Variants in KLF12 observed in about 807,000 individuals in gnomAD.
The protein encoded by KLF12 is Krueppel-like factor 12.
A neutral mutation model predicts 37.8 loss-of-function variants in KLF12; 9 were observed. The ratio of observed to expected loss-of-function variants is 0.24; its 90% CI spans 0.14 to 0.42. KLF12 has a LOEUF of 0.42. Ranked by LOEUF, KLF12 falls within the 10% of genes least tolerant of loss-of-function variation. The pLI is 1.00. For missense variants in KLF12, 411 were observed against 516.0 expected, an observed-to-expected ratio of 0.80 and a Z score of 1.97; for synonymous variants, 208 against 202.1, an observed-to-expected ratio of 1.03 and a Z score of -0.25.
At chr13:73,946,174 TGGA>T (rs1890414150) in intron 2 of KLF12, among the ~76,000 whole-genome samples, 1 of 152,134 alleles carries the variant, frequency 6.6e-6, no homozygotes, top group Admixed American at 6.6e-5. Context: ...CTTCCTACCC[TGGA>T]GGAGTTCTTG....
intron 3 of KLF12, among the ~76,000 whole-genome samples, chr13:73,887,835 AAAAAATG>A (rs2138999210): frequency 6.6e-6 from 1 of 152,324 alleles, no homozygotes; most frequent in East Asian, 1.9e-4. Flanking sequence ...CCATGAATTT[AAAAAATG>A]ATTTCTGAAA....
chr13:74,228,620 T>C, the KLF12 span, among the ~76,000 whole-genome samples: 1 of 152,078 alleles, frequency 6.6e-6, no homozygotes, highest in Non-Finnish European at 1.5e-5. Flanking sequence ...TCAGTGGCTC[T>C]TTTTACCCAT....
chr13:74,207,793 A>G, the KLF12 span, among the ~76,000 whole-genome samples: 4 of 152,320 alleles, frequency 2.6e-5, no homozygotes, highest in African/African-American at 9.6e-5. Context: ...ACTAGGGCAT[A>G]TGCTTATTTG....
At chr13:74,006,345 C>A (rs1271117940) in intron 1 of KLF12, among the ~76,000 whole-genome samples, 1 of 152,088 alleles carries the variant, frequency 6.6e-6, no homozygotes, top group Non-Finnish European at 1.5e-5. Flanking sequence ...CAAGAGCCTC[C>A]CTAACTTTAA....
chr13:74,029,345 C>T (rs1450732030), intron 1 of KLF12, among the ~76,000 whole-genome samples: 3 of 151,998 alleles, frequency 2.0e-5, no homozygotes, highest in Non-Finnish European at 2.9e-5. Flanking sequence ...AAGTATATGT[C>T]AAGAAAATTT....
In KLF12 at chr13:73,947,751, C is replaced by T. The variant is rs184616216; in HGVS notation, c.34-3681G>A. Among the ~76,000 whole-genome samples the T allele has an allele frequency of 3.6e-4, 54 of 151,698 alleles. No homozygotes were observed. In the East Asian group the frequency reaches 0.01, roughly 28 times the overall value. On this transcript the variant is annotated intron_variant, in intron 2 of 7. Transcript: ENST00000377669. ...TCACAACAGTCGTTGATCCCAACATCTCAAAATATTCTGAATGTAATGTGC... is the reference window on the plus strand; with the variant it reads ...TCACAACAGTCGTTGATCCCAACATTTCAAAATATTCTGAATGTAATGTGC...
chr13:73,996,199 T>C (rs1044217273), intron 1 of KLF12, among the ~76,000 whole-genome samples: 3 of 152,226 alleles, frequency 2.0e-5, no homozygotes, highest in Admixed American at 1.3e-4. Context: ...TCCCCTAATA[T>C]GCACTACAGC....
chr13:73,911,176 G>A (rs1261168913), intron 3 of KLF12, among the ~76,000 whole-genome samples: 1 of 152,048 alleles, frequency 6.6e-6, no homozygotes, highest in Non-Finnish European at 1.5e-5. Flanking sequence ...TATACTGTGT[G>A]CACATCAGGA....
At chr13:73,766,252 C>T (rs1003152334) in intron 5 of KLF12, among the ~76,000 whole-genome samples, 9 of 152,120 alleles carry the variant, frequency 5.9e-5, no homozygotes, top group African/African-American at 2.2e-4. Flanking sequence ...CATTCAAGCA[C>T]GGCCCACTTC....
chr13:73,736,437 ACTGT>A (rs1254057077), intron 6 of KLF12, among the ~76,000 whole-genome samples: 2 of 152,186 alleles, frequency 1.3e-5, no homozygotes, highest in African/African-American at 4.8e-5. Context: ...GTATTTTAAA[ACTGT>A]CTGACTCCAA....
chr13:73,821,001 T>C (rs1227776495), intron 4 of KLF12, among the ~76,000 whole-genome samples: 1 of 152,254 alleles, frequency 6.6e-6, no homozygotes, highest in East Asian at 1.9e-4. Context: ...CTGGCATCTT[T>C]AGTGCTACAA....
chr13:74,212,930 G>A, the KLF12 span, among the ~76,000 whole-genome samples: 1 of 151,924 alleles, frequency 6.6e-6, no homozygotes, highest in Non-Finnish European at 1.5e-5. Flanking sequence ...GGTTGATAAG[G>A]ACATGTTTTT....
chr13:74,256,071 C>T, the KLF12 span, among the ~76,000 whole-genome samples: 1 of 151,286 alleles, frequency 6.6e-6, no homozygotes, highest in Admixed American at 6.6e-5. Context: ...AGGAGAATGG[C>T]GTGAACCCAG....
At chr13:74,179,883 A>G in the KLF12 span, among the ~76,000 whole-genome samples, 1 of 152,220 alleles carries the variant, frequency 6.6e-6, no homozygotes, top group African/African-American at 2.4e-5. Context: ...GTAATTTTGA[A>G]TGATTACATA....
At chr13:73,750,054 G>A (rs753919459) in intron 6 of KLF12, among the ~76,000 whole-genome samples, 7 of 152,160 alleles carry the variant, frequency 4.6e-5, no homozygotes, top group Non-Finnish European at 8.8e-5. Flanking sequence ...TGAAATTCAG[G>A]TCAGTAGTCA....
the KLF12 span, among the ~76,000 whole-genome samples, chr13:74,199,512 A>G: frequency 6.6e-6 from 1 of 152,210 alleles, no homozygotes; most frequent in South Asian, 2.1e-4. Flanking sequence ...CACTATTAAT[A>G]AAGGCTTGCT....
the KLF12 span, among the ~76,000 whole-genome samples, chr13:74,194,329 C>T: frequency 2.6e-5 from 4 of 152,170 alleles, no homozygotes; most frequent in Admixed American, 2.6e-4. Flanking sequence ...CTGTCTTAGT[C>T]TGTTTGCGCT....
the KLF12 span, among the ~76,000 whole-genome samples, chr13:74,194,592 C>T: frequency 6.6e-6 from 1 of 152,126 alleles, no homozygotes; most frequent in East Asian, 1.9e-4. Flanking sequence ...GACCTCATGA[C>T]CTAATTGCCT....
chr13:74,254,023 C>A, the KLF12 span, among the ~76,000 whole-genome samples: 1 of 152,138 alleles, frequency 6.6e-6, no homozygotes, highest in African/African-American at 2.4e-5. Context: ...TCCCTCAAAG[C>A]TGGTTGTGTA....
Sources: gnomAD v4.1 joint callset for allele counts (sites outside exome capture counted in the v4.1 genomes callset) on GRCh38, gnomAD v4.1.1 for gene constraint, MANE v1.5 for transcripts, NCBI Gene and HGNC (gene_info 2026-07-23, HGNC 2026-07-21) for gene names.